The following EXOSC10 variants were observed in gnomAD, a reference collection of about 807,000 sequenced individuals.
EXOSC10 encodes exosome component 10, also known as exosome complex component 10.
Under a neutral mutation model 126.6 loss-of-function variants are expected in EXOSC10, and 94 were observed. The observed-to-expected ratio is 0.74, with a 90% CI of 0.63 to 0.88. EXOSC10 has a LOEUF of 0.88. Ranked by LOEUF, EXOSC10 falls within the 40% of genes least tolerant of loss-of-function variation. The probability of loss-of-function intolerance (pLI) is 0.00; values close to 1 mark genes in which losing one functional copy is unlikely to be tolerated. For synonymous variants in EXOSC10, 395 were observed against 400.8 expected (o/e 0.99, Z 0.17); for missense variants, 1,041 against 1,100.5 (o/e 0.95, Z 0.77).
Position 11,081,206 on chromosome 1 carries a change from C to G in EXOSC10, c.1313G>C (p.Arg438Pro). Residue 438 changes from arginine (R) to proline (P), a missense_variant, in exon 11 of 25, where the codon CGG (arginine) becomes CCG (proline). This residue lies in a region of EXOSC10 where 645 missense variants were observed against 656.3 expected (regional missense o/e 0.98). Transcript: ENST00000376936. ...ATATAGCAGGTAATGGGTGTCATCC[C>G]GGGCGTAGCTGAGCATCTCCTCGGG... ...PLPEEMLSYA[R>P]DDTHYLLYIY... The G allele has an allele frequency of 6.2e-7, 1 of 1,614,198 alleles. No individual in the cohort carries two copies. Among genetic ancestry groups the G allele is most frequent in the Non-Finnish European group, 8.5e-7 (1 of 1,180,042 alleles).
chr1:11,069,169 C>G (rs1352849948), intron 22 of EXOSC10, among the ~76,000 whole-genome samples: 1 of 151,758 alleles, frequency 6.6e-6, no homozygotes, highest in African/African-American at 2.4e-5. Flanking sequence ...ACTCTCACAG[C>G]CCAAGCAGCC....
Position 11,069,733 on chromosome 1 carries a change from G to T in EXOSC10, c.2317-3C>A. On this transcript the variant is annotated splice_polypyrimidine_tract_variant and splice_region_variant and intron_variant, in intron 21 of 24. Transcript: ENST00000376936. The stretch of plus-strand genomic sequence containing the variant: ...CTCTTCTTTGCAGCATTTTCTAGCT[G>T]TAGATCAGGAACAGATGTGGGGGAG... The T allele has an allele frequency of 6.2e-7, 1 of 1,613,220 alleles. No individual in the cohort carries two copies. Among genetic ancestry groups the T allele is most frequent in the Non-Finnish European group, 8.5e-7 (1 of 1,179,714 alleles).
chr1:11,087,728 A>C, intron 8 of EXOSC10, 72 bp downstream of exon 8: 1 of 1,484,218 alleles, frequency 6.7e-7, no homozygotes, highest in Non-Finnish European at 9.2e-7. Context: ...ATTAGTATTA[A>C]TTTTATACTT....
chr1:11,088,299 A>G (rs1640613354), intron 6 of EXOSC10, 101 bp from the exon 7 acceptor site: 2 of 753,938 alleles, frequency 2.7e-6, no homozygotes, highest in Non-Finnish European at 4.3e-6. Context: ...ATGAGAAAAG[A>G]CCACTGTGAA....
chr1:11,077,840 TGAAAG>T (rs1469666738), intron 14 of EXOSC10, among the ~76,000 whole-genome samples, 189 bp from the exon 15 acceptor site: 56 of 152,288 alleles, frequency 3.7e-4, no homozygotes, highest in African/African-American at 1.3e-3. Context: ...ATTTGTAGAA[TGAAAG>T]AATAAAGCTC....
Position 11,094,027 on chromosome 1 carries a change from T to C in EXOSC10, c.372+1731A>G, listed in dbSNP as rs189407213. On this transcript the variant is annotated intron_variant, in intron 3 of 24. Transcript: ENST00000376936. ...CCCAGGAGTTCAAGGTTGCAGTGAG[T>C]TATGGTTGCACCACTGCACTCCAGC... Among the ~76,000 whole-genome samples, 1,215 of 152,100 alleles carry C rather than the reference T, an allele frequency of 8.0e-3. 25 individuals carry two copies. The highest frequency in any genetic ancestry group is 0.028 in the African/African-American group (1,148 of 41,484).
chr1:11,080,667 A>G (rs1640112952), intron 12 of EXOSC10, 97 bp downstream of exon 12: 1 of 1,602,550 alleles, frequency 6.2e-7, no homozygotes, highest in African/African-American at 1.4e-5. Flanking sequence ...AGGGGAAATA[A>G]CCAGCTTTCA....
chr1:11,078,064 C>A (rs1026416569), intron 14 of EXOSC10, among the ~76,000 whole-genome samples: 1 of 151,918 alleles, frequency 6.6e-6, no homozygotes. Context: ...CTTGAGCCCA[C>A]GGGTTCAAGA....
chr1:11,091,739 A>G, intron 3 of EXOSC10, 142 bp from the exon 4 acceptor site: 1 of 597,798 alleles, frequency 1.7e-6, no homozygotes, highest in South Asian at 1.9e-5. Context: ...CCTCACTGCA[A>G]CTCTTTACAG....
chr1:11,080,757 C>T lies in EXOSC10; in HGVS notation c.1586+7G>A, dbSNP rs757763781. On this transcript the variant is annotated splice_region_variant and intron_variant, in intron 12 of 24. Coordinates refer to ENST00000376936, the MANE Select transcript of EXOSC10 (RefSeq NM_001001998.3). ...AACAAGTATTAAAAGAACCTCTAAT[C>T]CCTTACCCGTAACTTTCATCTTCCC... 1.2e-6 allele frequency: 2 copies of T among 1,613,966 alleles called. No homozygotes were observed. The highest frequency in any genetic ancestry group is 1.7e-6 in the Non-Finnish European group (2 of 1,180,004).
intron 3 of EXOSC10, 24 bp downstream of exon 3, chr1:11,095,734 A>C (rs1557720748): frequency 6.2e-7 from 1 of 1,610,828 alleles, no homozygotes; most frequent in Non-Finnish European, 8.5e-7. Flanking sequence ...CAAAACAAAA[A>C]AAAGAGTAAG....
intron 3 of EXOSC10, 112 bp downstream of exon 3, chr1:11,095,646 A>G (rs1641041489): frequency 5.2e-6 from 5 of 960,870 alleles, no homozygotes; most frequent in Non-Finnish European, 7.9e-6. Flanking sequence ...CCCGGGAGGC[A>G]GAGCTTGCAG....
intron 21 of EXOSC10, among the ~76,000 whole-genome samples, chr1:11,070,057 C>A (rs571301215): frequency 6.6e-6 from 1 of 151,778 alleles, no homozygotes; most frequent in Non-Finnish European, 1.5e-5. Flanking sequence ...CATAGCAAGA[C>A]CCCTATCTCT....
At chr1:11,081,566 C>CTTGGATG (rs1640169411) in intron 10 of EXOSC10, among the ~76,000 whole-genome samples, 1 of 152,166 alleles carries the variant, frequency 6.6e-6, no homozygotes, top group Admixed American at 6.5e-5. Context: ...GGACAAGTTC[C>CTTGGATG]TTAACCTCTT....
chr1:11,088,896 G>A (rs1321700250), intron 6 of EXOSC10, among the ~76,000 whole-genome samples: 1 of 152,136 alleles, frequency 6.6e-6, no homozygotes, highest in African/African-American at 2.4e-5. Context: ...TATATTGCCA[G>A]TAAAAAATGC....
intron 9 of EXOSC10, among the ~76,000 whole-genome samples, chr1:11,084,515 T>C (rs1224049635): frequency 6.6e-6 from 1 of 152,254 alleles, no homozygotes; most frequent in African/African-American, 2.4e-5. Context: ...TTGTAGATTC[T>C]GCAAATTAGC....
In EXOSC10 at chr1:11,090,999, G is replaced by A; in HGVS notation, c.643+15C>T. Reference sequence around the variant, plus strand: ...AAAGTGAGACTCAAACACAGGCAAAGTATGCACTATTTACCTTGAGGGAGA... The same window carrying A: ...AAAGTGAGACTCAAACACAGGCAAAATATGCACTATTTACCTTGAGGGAGA... On this transcript the variant is annotated intron_variant, in intron 5 of 24. Transcript: ENST00000376936. 1 of 1,611,902 alleles carries A rather than the reference G, an allele frequency of 6.2e-7. No homozygotes were observed. The highest frequency in any genetic ancestry group is 8.5e-7 in the Non-Finnish European group (1 of 1,178,842).
At chr1:11,076,710 C>T in intron 17 of EXOSC10, 132 bp downstream of exon 17, 1 of 717,650 alleles carries the variant, frequency 1.4e-6, no homozygotes, top group East Asian at 2.7e-5. Context: ...ATGCCTCTCC[C>T]AGCACTGCTG....
Position 11,081,227 on chromosome 1 carries a change from T to G in EXOSC10, c.1292A>C (p.Glu431Ala). The change falls in exon 11 of 25, where the codon GAG (glutamate) becomes GCG (alanine). Residue 431 changes from glutamate to alanine, a missense_variant. Physicochemically the swap from Glu to Ala is moderately radical, Grantham distance 107. This residue lies in a region of EXOSC10 where 645 missense variants were observed against 656.3 expected (regional missense o/e 0.98). Coordinates refer to ENST00000376936, the MANE Select transcript of EXOSC10 (RefSeq NM_001001998.3). ...ATCCCGGGCGTAGCTGAGCATCTCC[T>G]CGGGCAGAGGGCTGGAATTGCAGAG... ...LADWRIRPLP[E>A]EMLSYARDDT... 6.2e-7 allele frequency: 1 copy of G among 1,614,170 alleles called. No individual in the cohort carries two copies. The highest frequency in any genetic ancestry group is 1.3e-5 in the African/African-American group (1 of 75,054).
Sources: gnomAD v4.1 joint callset for allele counts (sites outside exome capture counted in the v4.1 genomes callset) on GRCh38, gnomAD v4.1.1 for gene constraint, gnomAD v4.1.1 regional missense constraint, MANE v1.5 for transcripts, NCBI Gene and HGNC (gene_info 2026-07-23, HGNC 2026-07-21) for gene names.